The following GINS1 variants were observed in gnomAD, a reference collection of about 807,000 sequenced individuals.
The protein encoded by GINS1 is DNA replication complex GINS protein PSF1.
A neutral mutation model predicts 34.9 loss-of-function variants in GINS1; 26 were observed. That is an observed-to-expected ratio of 0.74 (90% CI 0.55 to 1.03). The LOEUF (loss-of-function observed/expected upper bound fraction) is 1.03. Ranked by LOEUF, GINS1 falls within the 50% of genes least tolerant of loss-of-function variation. The pLI is 0.00. For missense variants in GINS1, 235 were observed against 237.9 expected (o/e 0.99, Z 0.08); for synonymous variants, 97 against 84.4 (o/e 1.15, Z -0.82).
Position 25,446,609 on chromosome 20 carries a change from T to C in GINS1, c.*618T>C, listed in dbSNP as rs2090513961. 1 of 152,276 alleles carries C rather than the reference T, an allele frequency of 6.6e-6. No individual in the cohort carries two copies. The highest frequency in any genetic ancestry group is 2.1e-4 in the South Asian group (1 of 4,834). The allele number at this position is 152,276 out of a possible 1,614,324, so 9.4% of individuals were successfully genotyped here. ...AATTTTCAGTATATATAATGTTTAA[T>C]GACATACTAATTTATCATCTGGCTA... On this transcript the variant is annotated 3_prime_UTR_variant, in exon 7 of 7. Transcript: ENST00000262460.
intron 4 of GINS1, among the ~76,000 whole-genome samples, chr20:25,423,172 T>A (rs865884565): frequency 7.3e-4 from 111 of 151,402 alleles, no homozygotes; most frequent in African/African-American, 2.5e-3. Context: ...TGGAGTGCAG[T>A]GGCATAGCTC....
intron 5 of GINS1, among the ~76,000 whole-genome samples, chr20:25,434,049 C>T (rs764510614): frequency 3.3e-5 from 5 of 151,560 alleles, no homozygotes; most frequent in Non-Finnish European, 5.9e-5. Flanking sequence ...TTTGGGAGTC[C>T]GAGGTGGGTG....
At chr20:25,411,874 C>T (rs1460530120) in intron 1 of GINS1, among the ~76,000 whole-genome samples, 4 of 151,366 alleles carry the variant, frequency 2.6e-5, no homozygotes, top group African/African-American at 4.9e-5. Context: ...ACCCGGGAGA[C>T]GGAGGTTGCA....
At chr20:25,426,011 A>G (rs2090388582) in intron 5 of GINS1, among the ~76,000 whole-genome samples, 1 of 152,204 alleles carries the variant, frequency 6.6e-6, no homozygotes, top group African/African-American at 2.4e-5. Context: ...TACCCATTAA[A>G]CAATAACTTC....
intron 2 of GINS1, among the ~76,000 whole-genome samples, chr20:25,414,917 T>G (rs2090310578): frequency 6.6e-6 from 1 of 152,096 alleles, no homozygotes; most frequent in Non-Finnish European, 1.5e-5. Context: ...TCCAGAGAGG[T>G]GACTAGATTT....
intron 2 of GINS1, among the ~76,000 whole-genome samples, chr20:25,414,403 A>G (rs1264706436): frequency 3.3e-5 from 5 of 152,176 alleles, no homozygotes; most frequent in Non-Finnish European, 5.9e-5. Flanking sequence ...AATAAATGAC[A>G]TACCCTAAAA....
At chr20:25,407,953 C>A in intron 1 of GINS1, 58 bp downstream of exon 1, 1 of 1,290,130 alleles carries the variant, frequency 7.8e-7, no homozygotes, top group Non-Finnish European at 1.1e-6. Flanking sequence ...GGCTCTGGGG[C>A]GGGGCGGCTC....
chr20:25,410,848 C>G (rs1045784267), intron 1 of GINS1, among the ~76,000 whole-genome samples: 2 of 152,116 alleles, frequency 1.3e-5, no homozygotes, highest in Non-Finnish European at 2.9e-5. Context: ...TAGGCGTGAG[C>G]CACCGTGCCC....
At chr20:25,438,631 G>T in intron 5 of GINS1, among the ~76,000 whole-genome samples, 1 of 146,900 alleles carries the variant, frequency 6.8e-6, no homozygotes, top group Non-Finnish European at 1.5e-5. Flanking sequence ...CTATTTTAGT[G>T]CAAGGAGTCC....
intron 5 of GINS1, among the ~76,000 whole-genome samples, chr20:25,429,601 A>G (rs1260106554): frequency 6.6e-6 from 1 of 152,020 alleles, no homozygotes; most frequent in Non-Finnish European, 1.5e-5. Context: ...TTATTTTCAT[A>G]ATTTTTATTT....
intron 3 of GINS1, among the ~76,000 whole-genome samples, 159 bp from the exon 4 acceptor site, chr20:25,417,946 A>G (rs982002973): frequency 5.3e-5 from 8 of 152,158 alleles, no homozygotes; most frequent in African/African-American, 2.4e-5. Context: ...GGAGGAGTGG[A>G]CAGTGCCTTC....
intron 3 of GINS1, among the ~76,000 whole-genome samples, chr20:25,417,578 A>G (rs1275546945): frequency 6.6e-6 from 1 of 152,140 alleles, no homozygotes; most frequent in Non-Finnish European, 1.5e-5. Context: ...ACCTTTGGCC[A>G]GGCACAGTGG....
intron 6 of GINS1, among the ~76,000 whole-genome samples, chr20:25,444,671 C>T (rs939586868): frequency 1.3e-5 from 2 of 151,758 alleles, no homozygotes; most frequent in Non-Finnish European, 1.5e-5. Context: ...CTTCCTTAAC[C>T]TCCCTCCTCC....
intron 2 of GINS1, among the ~76,000 whole-genome samples, chr20:25,414,232 C>T (rs2090306433): frequency 1.3e-5 from 2 of 148,642 alleles, no homozygotes; most frequent in African/African-American, 5.0e-5. Context: ...ATCAGATAAC[C>T]TTGCATTAGT....
intron 4 of GINS1, chr20:25,419,644 A>G: frequency 2.6e-6 from 2 of 779,774 alleles, no homozygotes; most frequent in South Asian, 2.0e-5. Flanking sequence ...GATTTTTCTC[A>G]TACAATATTT....
intron 5 of GINS1, among the ~76,000 whole-genome samples, chr20:25,440,216 G>T (rs1457613636): frequency 1.3e-5 from 2 of 151,692 alleles, no homozygotes. Context: ...GACCAGGCTG[G>T]TCTTAAATTC....
chr20:25,411,231 C>T (rs1179749564), intron 1 of GINS1: 2 of 152,130 alleles, frequency 1.3e-5, no homozygotes, highest in Non-Finnish European at 2.9e-5. Flanking sequence ...ACTGTGGTCA[C>T]GCTATTACAC....
chr20:25,425,110 C>T (rs2146206158), intron 4 of GINS1, 101 bp from the exon 5 acceptor site: 1 of 640,388 alleles, frequency 1.6e-6, no homozygotes, highest in Non-Finnish European at 2.8e-6. Flanking sequence ...ATGGTCACAA[C>T]AGTGATTTGT....
chr20:25,428,870 T>TAC (rs1378996210), intron 5 of GINS1, among the ~76,000 whole-genome samples: 6 of 151,972 alleles, frequency 3.9e-5, no homozygotes, highest in Admixed American at 6.6e-5. Context: ...AATATATATA[T>TAC]ACATCTGTCT....
Sources: gnomAD v4.1 joint callset for allele counts (sites outside exome capture counted in the v4.1 genomes callset) on GRCh38, gnomAD v4.1.1 for gene constraint, MANE v1.5 for transcripts, NCBI Gene and HGNC (gene_info 2026-07-23, HGNC 2026-07-21) for gene names.